Variants in MAML3 observed in about 807,000 individuals in gnomAD.
The protein encoded by MAML3 is mastermind-like protein 3.
A neutral mutation model predicts 101.9 loss-of-function variants in MAML3; 27 were observed. The observed-to-expected ratio is 0.27, with a 90% CI of 0.20 to 0.37. The LOEUF (loss-of-function observed/expected upper bound fraction) is 0.37, where lower values mean the gene tolerates loss of function less well. Ranked by LOEUF, MAML3 falls within the 10% of genes least tolerant of loss-of-function variation. The probability of loss-of-function intolerance (pLI) is 1.00; values close to 1 mark genes in which losing one functional copy is unlikely to be tolerated. For missense variants in MAML3, 1,316 were observed against 1,444.9 expected (o/e 0.91, Z 1.45); for synonymous variants, 501 against 555.9 (o/e 0.90, Z 1.39).
chr4:139,952,584 G>C (rs1003815221), intron 1 of MAML3, among the ~76,000 whole-genome samples: 3 of 152,120 alleles, frequency 2.0e-5, no homozygotes, highest in South Asian at 4.1e-4. Flanking sequence ...AAGTACATTT[G>C]GGGGGAATAA....
chr4:139,938,838 C>T (rs1275503329), intron 1 of MAML3, among the ~76,000 whole-genome samples: 4 of 152,196 alleles, frequency 2.6e-5, no homozygotes, highest in Non-Finnish European at 4.4e-5. Context: ...CGCATAGTGC[C>T]TACCCAGTGC....
chr4:139,967,469 GACACACACACACACAC>G lies in MAML3; in HGVS notation c.469-76518_469-76503del, dbSNP rs4057112. Among the ~76,000 whole-genome samples, 1,085 of 141,558 alleles carry G rather than the reference GACACACACACACACAC, an allele frequency of 7.7e-3. 5 individuals are homozygous for G. Among genetic ancestry groups the G allele is most frequent in the African/African-American group, 0.019 (744 of 38,210 alleles). The allele number at this position is 141,558 out of a possible 152,430, so 92.9% of individuals were successfully genotyped here. The stretch of plus-strand genomic sequence containing the variant: ...AATGTTGTTAGTTTTCTTTTTAAGG[GACACACACACACACAC>G]ACACACACACACACACACACACACA... On this transcript the variant is annotated intron_variant, in intron 1 of 4. Transcript: ENST00000509479.
rs557844997 is a variant in MAML3, at chr4:139,816,665, T to G, written c.2079+72692A>C. ...GCATCTTCTTTCAAGACACCACTGA[T>G]GTCAATCCAGTTCAATTTAATAGAT... On this transcript the variant is annotated intron_variant, in intron 2 of 4. Coordinates refer to ENST00000509479, the MANE Select transcript of MAML3 (RefSeq NM_018717.5). Among the ~76,000 whole-genome samples, 4 of 152,224 alleles carry G rather than the reference T, an allele frequency of 2.6e-5. No individual in the cohort carries two copies. In the East Asian group the frequency reaches 7.7e-4, roughly 29 times the overall value.
chr4:139,916,561 T>C (rs1733032447), intron 1 of MAML3, among the ~76,000 whole-genome samples: 1 of 152,196 alleles, frequency 6.6e-6, no homozygotes, highest in Non-Finnish European at 1.5e-5. Context: ...CCAATCCTGC[T>C]CGTAAGCATG....
At chr4:139,985,033 T>C (rs912557424) in intron 1 of MAML3, among the ~76,000 whole-genome samples, 3 of 152,198 alleles carry the variant, frequency 2.0e-5, no homozygotes, top group Non-Finnish European at 2.9e-5. Flanking sequence ...ATTCTGGCAG[T>C]TTTTGATTAG....
intron 1 of MAML3, among the ~76,000 whole-genome samples, chr4:140,143,238 C>T (rs1055402489): frequency 6.6e-6 from 1 of 152,186 alleles, no homozygotes; most frequent in African/African-American, 2.4e-5. Context: ...GTGGCTAGAA[C>T]AGTGCCCAAC....
At chr4:139,920,205 G>T (rs1230170729) in intron 1 of MAML3, among the ~76,000 whole-genome samples, 2 of 152,184 alleles carry the variant, frequency 1.3e-5, no homozygotes, top group East Asian at 3.8e-4. Context: ...CTTTCTGTAA[G>T]TTAATGAATA....
intron 1 of MAML3, among the ~76,000 whole-genome samples, chr4:140,044,656 T>C (rs1322326868): frequency 6.6e-6 from 1 of 152,132 alleles, no homozygotes; most frequent in Non-Finnish European, 1.5e-5. Context: ...AAATGTCAAG[T>C]CAAAATGCCA....
chr4:140,118,197 T>A (rs1319877264), intron 1 of MAML3, among the ~76,000 whole-genome samples: 1 of 151,664 alleles, frequency 6.6e-6, no homozygotes, highest in Non-Finnish European at 1.5e-5. Flanking sequence ...TTCAATCTTT[T>A]AAAAATTAAT....
At chr4:140,048,897 T>C (rs1159773359) in intron 1 of MAML3, among the ~76,000 whole-genome samples, 1 of 152,168 alleles carries the variant, frequency 6.6e-6, no homozygotes, top group Non-Finnish European at 1.5e-5. Context: ...CTGGAAAGAA[T>C]ACTGTGAGAC....
intron 1 of MAML3, among the ~76,000 whole-genome samples, chr4:139,984,151 G>A (rs1005484537): frequency 1.3e-5 from 2 of 152,176 alleles, no homozygotes; most frequent in Non-Finnish European, 2.9e-5. Flanking sequence ...TGGCACTGGA[G>A]TAGTGGGCTA....
At chr4:139,821,183 T>G (rs1730965961) in intron 2 of MAML3, among the ~76,000 whole-genome samples, 1 of 152,234 alleles carries the variant, frequency 6.6e-6, no homozygotes, top group African/African-American at 2.4e-5. Context: ...ATGAACTGTC[T>G]GTTACAAGGT....
At chr4:139,777,732 CTGCT>C (rs1489240146) in intron 2 of MAML3, among the ~76,000 whole-genome samples, 1 of 152,222 alleles carries the variant, frequency 6.6e-6, no homozygotes, top group Non-Finnish European at 1.5e-5. Context: ...TGTTACTTGC[CTGCT>C]TAACACTATT....
Position 140,035,650 on chromosome 4 carries a change from C to T in MAML3, c.468+117210G>A, listed in dbSNP as rs531576658. Among the ~76,000 whole-genome samples, 94 of 151,554 alleles carry T rather than the reference C, an allele frequency of 6.2e-4. 2 individuals carry two copies. In the South Asian group the frequency reaches 0.018, roughly 30 times the overall value. On this transcript the variant is annotated intron_variant, in intron 1 of 4. Coordinates refer to ENST00000509479, the MANE Select transcript of MAML3 (RefSeq NM_018717.5). The stretch of plus-strand genomic sequence containing the variant: ...TCTACTAAAAATACAAAAATTTAGC[C>T]GGGCGTGGTGGCACGCCAGCTACCC...
intron 3 of MAML3, among the ~76,000 whole-genome samples, chr4:139,729,328 G>A (rs1175817976): frequency 2.0e-5 from 3 of 152,062 alleles, no homozygotes; most frequent in Non-Finnish European, 4.4e-5. Flanking sequence ...TAGTAAATTT[G>A]CAAAATTCTG....
At chr4:139,772,868 A>C (rs890812705) in intron 2 of MAML3, among the ~76,000 whole-genome samples, 1 of 148,198 alleles carries the variant, frequency 6.7e-6, no homozygotes, top group Non-Finnish European at 1.5e-5. Flanking sequence ...TCACGAAGTC[A>C]GGAGTTCGAG....
intron 1 of MAML3, among the ~76,000 whole-genome samples, chr4:140,133,736 T>C (rs536216361): frequency 3.9e-5 from 6 of 152,314 alleles, no homozygotes; most frequent in African/African-American, 1.4e-4. Context: ...CAAAAACCTG[T>C]TTCTTCTTTT....
At chr4:140,096,658 G>A (rs568142414) in intron 1 of MAML3, among the ~76,000 whole-genome samples, 44 of 152,288 alleles carry the variant, frequency 2.9e-4, no homozygotes, top group South Asian at 2.1e-3. Flanking sequence ...CAGTGCAGAA[G>A]AGAACCCTGA....
At chr4:140,124,944 G>C (rs984734022) in intron 1 of MAML3, among the ~76,000 whole-genome samples, 4 of 152,186 alleles carry the variant, frequency 2.6e-5, no homozygotes, top group Admixed American at 6.5e-5. Flanking sequence ...CCAATGCCAA[G>C]AGTCAGATGC....
Sources: allele counts gnomAD v4.1 joint callset (sites outside exome capture counted in the v4.1 genomes callset), GRCh38; gene constraint gnomAD v4.1.1; transcripts MANE v1.5; gene names NCBI Gene and HGNC (gene_info 2026-07-23, HGNC 2026-07-21).